VTI1A: variants seen among roughly 807,000 people sequenced by gnomAD.
VTI1A encodes the protein vesicle transport through interaction with t-SNAREs homolog 1A.
VTI1A carries 22 observed loss-of-function variants against 34.9 expected under a neutral mutation model. The observed-to-expected ratio is 0.63, with a 90% CI of 0.45 to 0.90. The LOEUF (loss-of-function observed/expected upper bound fraction) is 0.90. Among genes scored for constraint, VTI1A ranks in the 40% least tolerant of loss-of-function variants. VTI1A has a pLI of 0.00. For missense variants in VTI1A, 268 were observed against 275.6 expected (o/e 0.97, Z 0.20); for synonymous variants, 87 against 97.3 (o/e 0.89, Z 0.62).
chr10:112,733,773 A>ATTTTATTTTATTTT (rs764240395), intron 7 of VTI1A, among the ~76,000 whole-genome samples: 1 of 149,146 alleles, frequency 6.7e-6, no homozygotes, highest in African/African-American at 2.5e-5. Flanking sequence ...ATTTTATTTT[A>ATTTTATTTTATTTT]AGAGAGAGTT....
At chr10:112,798,339 G>A (rs1482361808) in intron 7 of VTI1A, among the ~76,000 whole-genome samples, 1 of 152,150 alleles carries the variant, frequency 6.6e-6, no homozygotes, top group African/African-American at 2.4e-5. Context: ...CTTTGCTGAG[G>A]ACCTGGAGTG....
At chr10:112,629,505 AC>A (rs1846053414) in intron 5 of VTI1A, among the ~76,000 whole-genome samples, 1 of 152,106 alleles carries the variant, frequency 6.6e-6, no homozygotes, top group African/African-American at 2.4e-5. Flanking sequence ...TAAAAACAGG[AC>A]CTTTTTTCCA....
At chr10:112,743,013 CGT>C (rs10612255) in intron 7 of VTI1A, among the ~76,000 whole-genome samples, 38,414 of 141,592 alleles carry the variant, frequency 0.27, 4,908 homozygotes, top group East Asian at 0.43. Flanking sequence ...GACCTATTCT[CGT>C]GTGTGTGTGT....
intron 5 of VTI1A, among the ~76,000 whole-genome samples, chr10:112,560,063 A>G (rs893040215): frequency 2.0e-5 from 3 of 152,188 alleles, no homozygotes; most frequent in African/African-American, 4.8e-5. Context: ...GAGTAATTGC[A>G]GTGCTGACTC....
At chr10:112,837,897 G>A in the VTI1A span, among the ~76,000 whole-genome samples, 1 of 152,182 alleles carries the variant, frequency 6.6e-6, no homozygotes, top group Non-Finnish European at 1.5e-5. Flanking sequence ...AAAGGGGAGG[G>A]AGGGAGTACC....
intron 4 of VTI1A, among the ~76,000 whole-genome samples, chr10:112,536,061 G>A (rs1458317600): frequency 6.6e-6 from 1 of 152,116 alleles, no homozygotes; most frequent in Non-Finnish European, 1.5e-5. Context: ...TTATAACCAT[G>A]AAATCCCCCT....
chr10:112,744,303 A>T (rs1420177547), intron 7 of VTI1A, among the ~76,000 whole-genome samples: 1 of 152,154 alleles, frequency 6.6e-6, no homozygotes, highest in Non-Finnish European at 1.5e-5. Context: ...TGCCACAACC[A>T]TACAGATAAA....
chr10:112,630,705 C>T (rs1665337602), intron 5 of VTI1A, among the ~76,000 whole-genome samples: 1 of 152,198 alleles, frequency 6.6e-6, no homozygotes, highest in South Asian at 2.1e-4. Context: ...CACTATACCC[C>T]ATTCAACATC....
chr10:112,831,692 T>G, the VTI1A span: 6 of 152,238 alleles, frequency 3.9e-5, no homozygotes, highest in African/African-American at 1.4e-4. Flanking sequence ...ACACTGCCTA[T>G]TGATTTTTCC....
At chr10:112,836,305 C>A in the VTI1A span, among the ~76,000 whole-genome samples, 1 of 152,150 alleles carries the variant, frequency 6.6e-6, no homozygotes. Flanking sequence ...GAATCATGAG[C>A]TCTTTAGAAC....
chr10:112,565,307 A>T (rs1218032348), intron 5 of VTI1A, among the ~76,000 whole-genome samples: 2 of 152,202 alleles, frequency 1.3e-5, no homozygotes, highest in Non-Finnish European at 2.9e-5. Context: ...TTAACCTGAC[A>T]GTAACAAATA....
chr10:112,547,746 A>C (rs1171186137), intron 5 of VTI1A, among the ~76,000 whole-genome samples: 1 of 152,158 alleles, frequency 6.6e-6, no homozygotes, highest in African/African-American at 2.4e-5. Flanking sequence ...TAGCCAGAGA[A>C]AGATATGGAG....
chr10:112,850,990 C>T, the VTI1A span, among the ~76,000 whole-genome samples: 2 of 152,192 alleles, frequency 1.3e-5, no homozygotes, highest in African/African-American at 4.8e-5. Context: ...ATTAGTCCAC[C>T]TTGCAGCACC....
At chr10:112,727,022 A>G (rs1487832717) in intron 7 of VTI1A, among the ~76,000 whole-genome samples, 1 of 152,204 alleles carries the variant, frequency 6.6e-6, no homozygotes, top group African/African-American at 2.4e-5. Context: ...TGTGGTCACA[A>G]CATGCAAGCA....
chr10:112,580,479 A>C (rs1843888265), intron 5 of VTI1A, among the ~76,000 whole-genome samples: 1 of 152,158 alleles, frequency 6.6e-6, no homozygotes, highest in Non-Finnish European at 1.5e-5. Flanking sequence ...GGCCCAGCTG[A>C]GGTTAGGAAG....
intron 7 of VTI1A, among the ~76,000 whole-genome samples, chr10:112,681,311 C>T (rs972135675): frequency 9.9e-5 from 15 of 152,170 alleles, no homozygotes; most frequent in African/African-American, 3.4e-4. Context: ...AAACTCCTGG[C>T]CTCAAGCAAT....
intron 5 of VTI1A, among the ~76,000 whole-genome samples, chr10:112,649,997 G>C (rs559959369): frequency 6.6e-6 from 1 of 152,268 alleles, no homozygotes; most frequent in South Asian, 2.1e-4. Context: ...CACTACTGTA[G>C]ACTATATAAA....
chr10:112,555,177 A>G (rs969010318), intron 5 of VTI1A, among the ~76,000 whole-genome samples: 1 of 152,138 alleles, frequency 6.6e-6, no homozygotes, highest in African/African-American at 2.4e-5. Flanking sequence ...AATTTTCTCT[A>G]TATTTAAAGT....
chr10:112,635,044 G>C (rs1846295593), intron 5 of VTI1A, among the ~76,000 whole-genome samples: 1 of 152,196 alleles, frequency 6.6e-6, no homozygotes, highest in Non-Finnish European at 1.5e-5. Context: ...ACGGACATTT[G>C]CCGGAGTTTT....
Sources: allele counts gnomAD v4.1 joint callset (sites outside exome capture counted in the v4.1 genomes callset), GRCh38; gene constraint gnomAD v4.1.1; transcripts MANE v1.5; gene names NCBI Gene and HGNC (gene_info 2026-07-23, HGNC 2026-07-21).